FRMD5: variants seen among roughly 807,000 people sequenced by gnomAD.
The protein encoded by FRMD5 is FERM domain-containing protein 5.
FRMD5 carries 20 observed loss-of-function variants against 69.0 expected under a neutral mutation model. That is an observed-to-expected ratio of 0.29 (90% CI 0.20 to 0.42). FRMD5 has a LOEUF of 0.42. Among genes scored for constraint, FRMD5 ranks in the 10% least tolerant of loss-of-function variants. The probability of loss-of-function intolerance (pLI) is 1.00; values close to 1 mark genes in which losing one functional copy is unlikely to be tolerated. For synonymous variants in FRMD5, 271 were observed against 260.1 expected, an observed-to-expected ratio of 1.04 and a Z score of -0.40; for missense variants, 595 against 708.6, an observed-to-expected ratio of 0.84 and a Z score of 1.82.
intron 1 of FRMD5, among the ~76,000 whole-genome samples, chr15:44,054,480 G>C (rs1357950489): frequency 6.6e-6 from 1 of 152,136 alleles, no homozygotes; most frequent in Non-Finnish European, 1.5e-5. Flanking sequence ...ACTGATTCTT[G>C]AGTGAATGCA....
rs753549302 is a variant in FRMD5 at position 43,873,991 on chromosome 15, C to T, written c.1607G>A (p.Arg536His). Residue 536 changes from arginine (R) to histidine (H), a missense_variant, in exon 14 of 14, where the codon CGC (arginine) becomes CAC (histidine). Transcript: ENST00000417257. ...GAATTGTTCAAACTCGGGGGTCTGG[C>T]GGATATCACGGAAAAAGGCAATGTC... is the stretch of plus-strand genomic sequence containing the variant. ...DLDIAFFRDI[R>H]QTPEFEQFHY... The T allele has an allele frequency of 8.7e-6, 14 of 1,614,010 alleles. No homozygotes were observed. Among genetic ancestry groups the T allele is most frequent in the Non-Finnish European group, 1.1e-5 (13 of 1,180,010 alleles).
intron 1 of FRMD5, among the ~76,000 whole-genome samples, chr15:44,045,700 G>A (rs1037249522): frequency 6.6e-6 from 1 of 152,178 alleles, no homozygotes; most frequent in Admixed American, 6.5e-5. Context: ...GTTAGAAAGG[G>A]CATTCAGAGT....
At chr15:44,104,836 A>G (rs1220309199) in intron 1 of FRMD5, among the ~76,000 whole-genome samples, 1 of 152,150 alleles carries the variant, frequency 6.6e-6, no homozygotes, top group Non-Finnish European at 1.5e-5. Context: ...GAATCATACA[A>G]TATGTAGTCT....
intron 7 of FRMD5, among the ~76,000 whole-genome samples, chr15:43,892,875 A>G (rs905337240): frequency 6.6e-6 from 1 of 152,190 alleles, no homozygotes; most frequent in Non-Finnish European, 1.5e-5. Context: ...AGGCCGAGGC[A>G]GGTGGATCAT....
chr15:43,901,945 T>C (rs149794612), intron 7 of FRMD5: 54 of 508,348 alleles, frequency 1.1e-4, no homozygotes, highest in Non-Finnish European at 1.7e-4. Context: ...TTTGGATTTG[T>C]TATTTAGATT....
intron 1 of FRMD5, among the ~76,000 whole-genome samples, chr15:44,122,559 A>G (rs1190423158): frequency 6.6e-6 from 1 of 151,806 alleles, no homozygotes; most frequent in Non-Finnish European, 1.5e-5. Context: ...ACAGAGTGAG[A>G]CCCTGCCTCA....
chr15:43,951,278 C>T (rs1345433418), intron 1 of FRMD5, among the ~76,000 whole-genome samples: 27 of 151,766 alleles, frequency 1.8e-4, no homozygotes, highest in Admixed American at 1.2e-3. Flanking sequence ...AAAAATTACC[C>T]GGGCATGGTG....
intron 13 of FRMD5, among the ~76,000 whole-genome samples, chr15:43,877,420 C>T (rs1382678453): frequency 6.6e-6 from 1 of 152,214 alleles, no homozygotes; most frequent in Non-Finnish European, 1.5e-5. Flanking sequence ...AGCAGTGTGT[C>T]CCATCTTCCT....
At chr15:44,178,189 T>C (rs1217844728) in intron 1 of FRMD5, among the ~76,000 whole-genome samples, 1 of 152,048 alleles carries the variant, frequency 6.6e-6, no homozygotes, top group South Asian at 2.1e-4. Flanking sequence ...CCAGGCATGG[T>C]GGTGGGTGCC....
chr15:43,996,954 TAAA>T (rs778447161), intron 1 of FRMD5, among the ~76,000 whole-genome samples: 1 of 152,054 alleles, frequency 6.6e-6, no homozygotes. Context: ...GGGGGGCTTT[TAAA>T]AAAATGATAC....
At position 43,870,774 on chromosome 15, in the gene FRMD5, ATATT is replaced by A. The variant is rs750347669; in HGVS notation, c.*3107_*3110del. The A allele has an allele frequency of 3.9e-5, 6 of 152,200 alleles. No homozygotes were observed. The highest frequency in any genetic ancestry group is 9.7e-5 in the African/African-American group (4 of 41,428). The allele number at this position is 152,200 out of a possible 1,614,324, so 9.4% of individuals were successfully genotyped here. ...GAGCCCACTCTTCCATGATATTTAA[ATATT>A]TATTTAAGTTTAAAAATAATCTTCA... On this transcript the variant is annotated 3_prime_UTR_variant, in exon 14 of 14. Transcript: ENST00000417257.
chr15:44,018,258 T>TA, intron 1 of FRMD5, among the ~76,000 whole-genome samples: 1 of 152,152 alleles, frequency 6.6e-6, no homozygotes, highest in Admixed American at 6.5e-5. Flanking sequence ...ATGGAATACA[T>TA]AAACATAAAC....
At chr15:43,907,527 CTTT>C (rs758126629) in intron 5 of FRMD5, among the ~76,000 whole-genome samples, 1 of 138,776 alleles carries the variant, frequency 7.2e-6, no homozygotes. Flanking sequence ...CCAGGCCTAG[CTTT>C]TTTTTTTTTT....
chr15:43,908,564 TAA>T (rs1203928649), intron 5 of FRMD5, among the ~76,000 whole-genome samples: 1 of 152,152 alleles, frequency 6.6e-6, no homozygotes, highest in Non-Finnish European at 1.5e-5. Flanking sequence ...GATTTCCAAC[TAA>T]GAGTTCAAAT....
chr15:44,001,462 T>TA (rs1345596600), intron 1 of FRMD5, among the ~76,000 whole-genome samples: 1 of 152,040 alleles, frequency 6.6e-6, no homozygotes, highest in Admixed American at 6.6e-5. Context: ...AGTGTCATAT[T>TA]AAAAAAAGTA....
chr15:43,878,932 C>CTTTT (rs71421808), intron 13 of FRMD5, among the ~76,000 whole-genome samples: 30 of 112,894 alleles, frequency 2.7e-4, no homozygotes, highest in East Asian at 1.1e-3. Context: ...TTTTTCTTTT[C>CTTTT]TTTTTTTTTT....
chr15:44,199,364 T>C (rs891097464), upstream of FRMD5, among the ~76,000 whole-genome samples: 16 of 152,350 alleles, frequency 1.1e-4, no homozygotes, highest in Non-Finnish European at 1.9e-4. Context: ...TTCATGTGGC[T>C]GAAGATAGCT....
chr15:43,945,753 G>A (rs1290585811), intron 1 of FRMD5, among the ~76,000 whole-genome samples: 1 of 152,096 alleles, frequency 6.6e-6, no homozygotes, highest in Non-Finnish European at 1.5e-5. Flanking sequence ...TCTGCCCCCT[G>A]CCCCCCAGAT....
In FRMD5 at chr15:44,093,933, T is replaced by G. The variant is rs556930508; in HGVS notation, c.102+101020A>C. Among the ~76,000 whole-genome samples, 5 of 152,292 alleles carry G rather than the reference T, an allele frequency of 3.3e-5. No homozygotes were observed. The East Asian group carries it at 9.6e-4, about 29-fold the overall frequency. On this transcript the variant is annotated intron_variant, in intron 1 of 13. Transcript: ENST00000417257. ...CTGAAAAAAAAAATAATAAAAGTCT[T>G]CACCATTATATATCATAATACTTGC...
Sources: allele counts gnomAD v4.1 joint callset (sites outside exome capture counted in the v4.1 genomes callset), GRCh38; gene constraint gnomAD v4.1.1; transcripts MANE v1.5; gene names NCBI Gene and HGNC (gene_info 2026-07-23, HGNC 2026-07-21).